The following USP34 variants were observed in gnomAD, a reference collection of about 807,000 sequenced individuals.
The protein encoded by USP34 is ubiquitin carboxyl-terminal hydrolase 34.
A neutral mutation model predicts 460.3 loss-of-function variants in USP34; 70 were observed. That is an observed-to-expected ratio of 0.15 (90% CI 0.13 to 0.19). USP34 has a LOEUF of 0.19. Ranked by LOEUF, USP34 falls within the 10% of genes least tolerant of loss-of-function variation. The pLI is 1.00. For synonymous variants in USP34, 1,647 were observed against 1,405.3 expected, an observed-to-expected ratio of 1.17 and a Z score of -3.85; for missense variants, 3,985 against 4,236.2, an observed-to-expected ratio of 0.94 and a Z score of 1.65.
At chr2:61,284,260 A>G (rs1240544838) in intron 35 of USP34, among the ~76,000 whole-genome samples, 1 of 152,206 alleles carries the variant, frequency 6.6e-6, no homozygotes, top group Admixed American at 6.5e-5. Flanking sequence ...CTAAACTTTA[A>G]GACTCCTTTA....
intron 1 of USP34, among the ~76,000 whole-genome samples, chr2:61,462,087 A>T (rs1175093917): frequency 6.6e-6 from 1 of 151,792 alleles, no homozygotes; most frequent in African/African-American, 2.4e-5. Flanking sequence ...AACGTAACAA[A>T]AATTAGTCAG....
At chr2:61,262,622 G>T (rs1407211396) in intron 43 of USP34, among the ~76,000 whole-genome samples, 1 of 152,100 alleles carries the variant, frequency 6.6e-6, no homozygotes, top group Non-Finnish European at 1.5e-5. Flanking sequence ...GTTTTTGCTA[G>T]TGTGAACACT....
At chr2:61,308,965 A>G (rs1478630477) in intron 27 of USP34, among the ~76,000 whole-genome samples, 1 of 152,016 alleles carries the variant, frequency 6.6e-6, no homozygotes, top group African/African-American at 2.4e-5. Context: ...TCACTTGAAC[A>G]TGGACGTTGC....
intron 48 of USP34, among the ~76,000 whole-genome samples, chr2:61,253,181 T>C (rs988573203): frequency 6.6e-6 from 1 of 152,160 alleles, no homozygotes; most frequent in African/African-American, 2.4e-5. Flanking sequence ...AAAAGTATAG[T>C]AAGAACAAAA....
chr2:61,242,567 A>C (rs1473093642), intron 51 of USP34, among the ~76,000 whole-genome samples: 1 of 151,958 alleles, frequency 6.6e-6, no homozygotes, highest in Non-Finnish European at 1.5e-5. Flanking sequence ...CTAGAATTTG[A>C]ATAAGAAAGA....
chr2:61,332,568 G>A (rs1691303220), intron 19 of USP34, among the ~76,000 whole-genome samples: 2 of 151,916 alleles, frequency 1.3e-5, no homozygotes, highest in Non-Finnish European at 2.9e-5. Context: ...CACCTCCACT[G>A]ACTATAATGA....
chr2:61,255,786 C>A (rs986236711), intron 48 of USP34, among the ~76,000 whole-genome samples: 3 of 152,204 alleles, frequency 2.0e-5, no homozygotes, highest in African/African-American at 7.2e-5. Flanking sequence ...GTGTTGCAGA[C>A]ACTACCCACT....
intron 58 of USP34, among the ~76,000 whole-genome samples, chr2:61,230,237 AAC>A (rs1294037237): frequency 2.0e-5 from 3 of 152,190 alleles, no homozygotes; most frequent in Non-Finnish European, 4.4e-5. Flanking sequence ...ACTATAAAAA[AAC>A]AGTTTACCAG....
intron 59 of USP34, 85 bp downstream of exon 59, chr2:61,229,463 A>C (rs555449430): frequency 4.7e-4 from 312 of 661,272 alleles, no homozygotes; most frequent in Admixed American, 3.1e-3. Context: ...CTCTTAAAAA[A>C]AAAAAAAAAA....
At chr2:61,239,349 C>T (rs1688178990) in intron 53 of USP34, among the ~76,000 whole-genome samples, 1 of 141,882 alleles carries the variant, frequency 7.0e-6, no homozygotes, top group African/African-American at 2.6e-5. Context: ...CACACACACA[C>T]ACAGAAGTTT....
Position 61,214,493 on chromosome 2 carries a change from G to T in USP34, c.8249C>A (p.Thr2750Lys), listed in dbSNP as rs1687347466. The stretch of plus-strand genomic sequence containing the variant: ...AAAGCTAAAATAGGGCACTAGCTTT[G>T]TAGTGCCATGAACAGCAGCATCAAC... ...LYVDAAVHGT[T>K]KLVPYFSFMT... Residue 2750 changes from threonine to lysine, a missense_variant, in exon 68 of 80, where the codon ACA becomes AAA. By Grantham distance (78) the Thr-to-Lys change is moderately conservative. Transcript: ENST00000398571. 1 of 1,613,842 alleles carries T rather than the reference G, an allele frequency of 6.2e-7. No individual in the cohort carries two copies. Among genetic ancestry groups the T allele is most frequent in the Non-Finnish European group, 8.5e-7 (1 of 1,179,896 alleles).
At position 61,276,533 on chromosome 2, in the gene USP34, T is replaced by C. The variant is rs188971181; in HGVS notation, c.5433+1632A>G. On this transcript the variant is annotated intron_variant, in intron 41 of 79. Coordinates refer to ENST00000398571, the MANE Select transcript of USP34 (RefSeq NM_014709.4). The stretch of plus-strand genomic sequence containing the variant: ...GAAAAGTCCTGGAAGGCCATCACCA[T>C]AGCATGAGAGGAAATCAAACCAAAT... 2.9e-4 allele frequency among the ~76,000 whole-genome samples: 44 copies of C among 152,306 alleles called. 1 individual carries two copies. The East Asian group carries it at 5.6e-3, about 19-fold the overall frequency.
At chr2:61,205,958 A>G (rs924505286) in intron 72 of USP34, 59 bp downstream of exon 72, 39 of 1,327,364 alleles carry the variant, frequency 2.9e-5, no homozygotes, top group Non-Finnish European at 4.0e-5. Flanking sequence ...TCACGGAAAA[A>G]CTCACAACAA....
At chr2:61,390,040 G>A (rs780003263) in intron 5 of USP34, among the ~76,000 whole-genome samples, 10 of 152,070 alleles carry the variant, frequency 6.6e-5, no homozygotes, top group African/African-American at 1.2e-4. Flanking sequence ...AACAGTCTTT[G>A]CTAGTATATT....
chr2:61,399,550 G>C (rs1470224456), intron 3 of USP34, among the ~76,000 whole-genome samples: 2 of 151,622 alleles, frequency 1.3e-5, no homozygotes, highest in African/African-American at 2.4e-5. Context: ...AAAACACTAA[G>C]AACAACACTA....
intron 72 of USP34, among the ~76,000 whole-genome samples, chr2:61,205,168 G>A (rs1348510419): frequency 6.6e-6 from 1 of 152,108 alleles, no homozygotes; most frequent in Non-Finnish European, 1.5e-5. Flanking sequence ...TTTAATGTAC[G>A]TTGATTATGT....
intron 63 of USP34, 37 bp downstream of exon 63, chr2:61,223,211 T>C (rs758447641): frequency 6.2e-7 from 1 of 1,613,558 alleles, no homozygotes; most frequent in Admixed American, 1.7e-5. Flanking sequence ...ATTATTTTTG[T>C]GATGATCAAA....
At chr2:61,415,094 G>GT (rs772825956) in intron 2 of USP34, among the ~76,000 whole-genome samples, 257 of 152,228 alleles carry the variant, frequency 1.7e-3, no homozygotes, top group Non-Finnish European at 2.9e-3. Flanking sequence ...GAATCTTAGG[G>GT]TTTTCCTTTT....
chr2:61,240,271 A>G (rs1251335676), intron 53 of USP34, among the ~76,000 whole-genome samples: 1 of 152,110 alleles, frequency 6.6e-6, no homozygotes, highest in Non-Finnish European at 1.5e-5. Flanking sequence ...AAATGAACAC[A>G]TTTGTATTCC....
Sources: allele counts gnomAD v4.1 joint callset (sites outside exome capture counted in the v4.1 genomes callset), GRCh38; gene constraint gnomAD v4.1.1; transcripts MANE v1.5; gene names NCBI Gene and HGNC (gene_info 2026-07-23, HGNC 2026-07-21).